EPS15: variants seen among roughly 807,000 people sequenced by gnomAD.
EPS15 encodes the protein epidermal growth factor receptor pathway substrate 15, also known as epidermal growth factor receptor substrate 15.
A neutral mutation model predicts 113.8 loss-of-function variants in EPS15; 72 were observed. That is an observed-to-expected ratio of 0.63 (90% CI 0.52 to 0.77). EPS15 has a LOEUF of 0.77. Ranked by LOEUF, EPS15 falls within the 30% of genes least tolerant of loss-of-function variation. The probability of loss-of-function intolerance (pLI) is 0.00; values close to 1 mark genes in which losing one functional copy is unlikely to be tolerated. For missense variants in EPS15, 1,048 were observed against 1,045.8 expected (o/e 1.00, Z -0.03); for synonymous variants, 344 against 363.4 (o/e 0.95, Z 0.61).
intron 21 of EPS15, among the ~76,000 whole-genome samples, chr1:51,393,870 A>G (rs1647640547): frequency 6.6e-6 from 1 of 152,240 alleles, no homozygotes; most frequent in African/African-American, 2.4e-5. Flanking sequence ...TCCTCAGTTT[A>G]TGTTTAAAAT....
At chr1:51,386,884 G>C (rs981365174) in intron 21 of EPS15, among the ~76,000 whole-genome samples, 1 of 152,150 alleles carries the variant, frequency 6.6e-6, no homozygotes, top group African/African-American at 2.4e-5. Flanking sequence ...AACCAAGTTG[G>C]AAAACACTCT....
chr1:51,365,479 T>C (rs1646488920), intron 22 of EPS15, among the ~76,000 whole-genome samples: 1 of 152,240 alleles, frequency 6.6e-6, no homozygotes, highest in East Asian at 1.9e-4. Flanking sequence ...CCCGAATCAA[T>C]ATCACAGCCA....
intron 8 of EPS15, among the ~76,000 whole-genome samples, chr1:51,452,006 C>T (rs1050852692): frequency 3.3e-5 from 5 of 151,900 alleles, no homozygotes; most frequent in Non-Finnish European, 4.4e-5. Context: ...CTCAGTCTCC[C>T]AAGTAGCTGG....
intron 13 of EPS15, among the ~76,000 whole-genome samples, chr1:51,414,047 G>T (rs1017629765): frequency 3.3e-5 from 5 of 152,084 alleles, no homozygotes; most frequent in Admixed American, 2.0e-4. Context: ...ACAGTGCTTG[G>T]TCTAGTTCAG....
In EPS15 at chr1:51,386,136, G is replaced by C. The variant is rs1413154813; in HGVS notation, c.2119+8245C>G. Among the ~76,000 whole-genome samples, 87 of 152,182 alleles carry C rather than the reference G, an allele frequency of 5.7e-4. 1 individual carries two copies. Among genetic ancestry groups the C allele is most frequent in the Admixed American group, 5.6e-3 (86 of 15,278 alleles). On this transcript the variant is annotated intron_variant, in intron 21 of 24. Coordinates refer to ENST00000371733, the MANE Select transcript of EPS15 (RefSeq NM_001981.3). ...TCCCATTACATGTTCTCTGAGAAGA[G>C]CAGCTGGCTCATTTTTTCATTCAAT...
intron 12 of EPS15, among the ~76,000 whole-genome samples, chr1:51,426,604 A>G (rs549703264): frequency 6.6e-6 from 1 of 151,660 alleles, no homozygotes; most frequent in African/African-American, 2.4e-5. Context: ...AGTAAAGCAG[A>G]TTACCCTCAA....
At chr1:51,384,510 C>A (rs1647018344) in intron 21 of EPS15, among the ~76,000 whole-genome samples, 2 of 151,760 alleles carry the variant, frequency 1.3e-5, no homozygotes, top group South Asian at 4.2e-4. Flanking sequence ...CTATGTTGCC[C>A]AGGCTGGTCT....
chr1:51,361,385 C>T, intron 23 of EPS15, 30 bp from the exon 24 acceptor site: 1 of 1,534,672 alleles, frequency 6.5e-7, no homozygotes, highest in Non-Finnish European at 9.0e-7. Context: ...ATTAATTCAA[C>T]CAGTAAATAC....
intron 13 of EPS15, among the ~76,000 whole-genome samples, chr1:51,415,337 T>G (rs893440371): frequency 2.6e-5 from 4 of 152,276 alleles, no homozygotes; most frequent in South Asian, 2.1e-4. Context: ...ATTTCTTAGC[T>G]TCAGTAAAAA....
At chr1:51,485,829 C>T (rs1242177930) in intron 1 of EPS15, among the ~76,000 whole-genome samples, 8 of 152,082 alleles carry the variant, frequency 5.3e-5, no homozygotes, top group Non-Finnish European at 7.4e-5. Flanking sequence ...ATGGAGTTCG[C>T]TCTTGTCGCC....
chr1:51,481,607 C>G (rs900878144), intron 1 of EPS15, among the ~76,000 whole-genome samples: 3 of 152,302 alleles, frequency 2.0e-5, no homozygotes, highest in African/African-American at 7.2e-5. Context: ...CAATATGTAA[C>G]AAATTGAGAA....
chr1:51,447,368 T>C (rs1012119596), intron 9 of EPS15, among the ~76,000 whole-genome samples: 3 of 152,324 alleles, frequency 2.0e-5, no homozygotes, highest in Non-Finnish European at 2.9e-5. Flanking sequence ...AATTCAAACA[T>C]AGTTAACTCT....
intron 21 of EPS15, among the ~76,000 whole-genome samples, chr1:51,381,792 A>C (rs1321426902): frequency 6.6e-6 from 1 of 152,178 alleles, no homozygotes. Context: ...CATTACCAAA[A>C]CTAACGGGAT....
intron 12 of EPS15, among the ~76,000 whole-genome samples, chr1:51,439,666 T>C (rs1652432655): frequency 6.6e-6 from 1 of 152,100 alleles, no homozygotes; most frequent in African/African-American, 2.4e-5. Flanking sequence ...AATCAAATTG[T>C]ATTTGAGTCT....
intron 12 of EPS15, among the ~76,000 whole-genome samples, chr1:51,431,606 C>T (rs554187833): frequency 7.9e-5 from 12 of 151,974 alleles, no homozygotes; most frequent in Middle Eastern, 3.4e-3. Flanking sequence ...CCACCACGCC[C>T]GACTAATTTT....
At chr1:51,445,807 T>C (rs1652998984) in intron 10 of EPS15, among the ~76,000 whole-genome samples, 1 of 152,234 alleles carries the variant, frequency 6.6e-6, no homozygotes, top group African/African-American at 2.4e-5. Context: ...CTAAGTTTTT[T>C]AACCTCTCCA....
chr1:51,508,303 A>AG (rs1491249961), intron 1 of EPS15, among the ~76,000 whole-genome samples: 15 of 128,310 alleles, frequency 1.2e-4, no homozygotes, highest in African/African-American at 4.6e-4. Flanking sequence ...AGAGAGAGAG[A>AG]AAGAGAGAAA....
At chr1:51,390,338 G>A (rs553131174) in intron 21 of EPS15, among the ~76,000 whole-genome samples, 11 of 152,070 alleles carry the variant, frequency 7.2e-5, no homozygotes, top group Admixed American at 3.3e-4. Context: ...AGACTTAAAC[G>A]TTAGACCTAA....
chr1:51,488,789 G>A (rs1375471414), intron 1 of EPS15, among the ~76,000 whole-genome samples: 1 of 152,076 alleles, frequency 6.6e-6, no homozygotes, highest in African/African-American at 2.4e-5. Flanking sequence ...CACACACCTA[G>A]CTAAAACCTA....
Sources: gnomAD v4.1 joint callset for allele counts (sites outside exome capture counted in the v4.1 genomes callset) on GRCh38, gnomAD v4.1.1 for gene constraint, MANE v1.5 for transcripts, NCBI Gene and HGNC (gene_info 2026-07-23, HGNC 2026-07-21) for gene names.